The following CSMD2 variants were observed in gnomAD, a reference collection of about 807,000 sequenced individuals.
The protein encoded by CSMD2 is CUB and Sushi multiple domains 2, also known as CUB and sushi domain-containing protein 2.
CSMD2 carries 130 observed loss-of-function variants against 398.5 expected under a neutral mutation model. The ratio of observed to expected loss-of-function variants is 0.33; its 90% CI spans 0.28 to 0.38. The LOEUF (loss-of-function observed/expected upper bound fraction) is 0.38. CSMD2 is among the 10% of genes least tolerant of loss of function. The pLI, the probability that CSMD2 is intolerant of heterozygous loss-of-function variation, is 1.00. For missense variants in CSMD2, 3,829 were observed against 4,764.9 expected (o/e 0.80, Z 5.78); for synonymous variants, 1,828 against 1,908.5 (o/e 0.96, Z 1.10).
rs1656465505 is a variant in CSMD2, at chr1:34,077,069, A to ATT, written c.404+11907_404+11908insAA. Among the ~76,000 whole-genome samples, 3 of 150,840 alleles carry ATT rather than the reference A, an allele frequency of 2.0e-5. No homozygotes were observed. The South Asian group carries it at 6.3e-4, about 31-fold the overall frequency. ...CAAGCAGCTGGAGAAAGGTGAGGTT[A>ATT]AAGGGGGCTAGGATTGGGGTAGGGA... On this transcript the variant is annotated intron_variant, in intron 2 of 70. Transcript: ENST00000373381.
chr1:33,546,249 A>C lies in CSMD2; in HGVS notation c.8918-30T>G, dbSNP rs763684453. 8.2e-6 allele frequency: 13 copies of C among 1,588,614 alleles called. No homozygotes were observed. In the South Asian group the frequency reaches 1.2e-4, roughly 15 times the overall value. On this transcript the variant is annotated intron_variant, in intron 56 of 70. Coordinates refer to ENST00000373381, the MANE Select transcript of CSMD2 (RefSeq NM_001281956.2). ...GGACCAGAACCACACAAATCCCATT[A>C]TTTTTCAGGGAAGAAAAGGGAGTGG...
intron 27 of CSMD2, among the ~76,000 whole-genome samples, chr1:33,653,945 A>G (rs1305260302): frequency 6.6e-6 from 1 of 152,196 alleles, no homozygotes; most frequent in Non-Finnish European, 1.5e-5. Context: ...GGCTTGTCAT[A>G]GAGCTGAGCA....
At chr1:34,108,509 T>C (rs115145069) in intron 1 of CSMD2, among the ~76,000 whole-genome samples, 1 of 152,224 alleles carries the variant, frequency 6.6e-6, no homozygotes, top group Non-Finnish European at 1.5e-5. Context: ...AGAGTAGCCC[T>C]GTCCATGGTC....
intron 13 of CSMD2, among the ~76,000 whole-genome samples, chr1:33,759,101 G>A (rs951084060): frequency 2.0e-5 from 3 of 152,132 alleles, no homozygotes; most frequent in East Asian, 1.9e-4. Context: ...AAGTGACATC[G>A]CTCTTCTGGA....
chr1:33,788,509 A>C, intron 12 of CSMD2, 91 bp downstream of exon 12: 2 of 325,318 alleles, frequency 6.1e-6, no homozygotes, highest in Non-Finnish European at 9.6e-6. Flanking sequence ...CTCCGTCTCA[A>C]AAAAAAAAAA....
rs755750312 is a variant in CSMD2 at position 34,089,074 on chromosome 1, T to C, written c.307A>G (p.Arg103Gly). The C allele has an allele frequency of 1.4e-5, 22 of 1,614,080 alleles. No individual in the cohort carries two copies. The South Asian group carries it at 2.3e-4, about 17-fold the overall frequency. The change falls in exon 2 of 71, where the codon AGA becomes GGA. Residue 103 changes from arginine to glycine, a missense_variant. Physicochemically the swap from Arg to Gly is moderately radical, Grantham distance 125 (BLOSUM62 -2). Around this residue, in one of 5 missense-constraint regions of CSMD2, gnomAD observed 184 missense variants for 217.7 expected, o/e 0.85. Transcript: ENST00000373381. Reference protein sequence around the residue: ...TWTITAEEQHRIQLVFQSFAL... With the variant: ...TWTITAEEQHGIQLVFQSFAL... ...AAGGACTGGAACACAAGCTGGATTC[T>C]GTGCTGCTCTTCCGCGGTGATGGTC... is the stretch of plus-strand genomic sequence containing the variant.
intron 11 of CSMD2, among the ~76,000 whole-genome samples, chr1:33,789,863 A>G (rs1654020468): frequency 6.6e-6 from 1 of 151,930 alleles, no homozygotes; most frequent in African/African-American, 2.4e-5. Flanking sequence ...AAAGGCTGGG[A>G]CCCCTGCTTT....
At chr1:34,057,177 TCTC>T (rs1653928622) in intron 2 of CSMD2, among the ~76,000 whole-genome samples, 1 of 152,042 alleles carries the variant, frequency 6.6e-6, no homozygotes, top group Non-Finnish European at 1.5e-5. Flanking sequence ...GGAGTCTTGA[TCTC>T]CTCAAGTCCC....
chr1:34,106,070 T>A lies in CSMD2; in HGVS notation c.188-16877A>T, dbSNP rs2053217. Reference sequence around the variant, plus strand: ...GGAATGGATGGCTTAGTTCCAGGGTTTATAGGTGGGGGTGTTAATGGGCAG... The same window carrying A: ...GGAATGGATGGCTTAGTTCCAGGGTATATAGGTGGGGGTGTTAATGGGCAG... On this transcript the variant is annotated intron_variant, in intron 1 of 70. Coordinates refer to ENST00000373381, the MANE Select transcript of CSMD2 (RefSeq NM_001281956.2). Among the ~76,000 whole-genome samples, 5 of 151,940 alleles carry A rather than the reference T, an allele frequency of 3.3e-5. No homozygotes were observed. In the East Asian group the frequency reaches 5.8e-4, roughly 18 times the overall value.
intron 15 of CSMD2, 60 bp downstream of exon 15, chr1:33,739,080 T>TC: frequency 6.6e-7 from 1 of 1,522,492 alleles, no homozygotes; most frequent in Non-Finnish European, 8.9e-7. Flanking sequence ...GGCTGCTTGC[T>TC]CCCCCTCCCC....
At chr1:33,832,960 G>A (rs568727202) in intron 6 of CSMD2, among the ~76,000 whole-genome samples, 7 of 151,996 alleles carry the variant, frequency 4.6e-5, no homozygotes, top group East Asian at 1.9e-4. Context: ...GGAAGAAGTC[G>A]AATCTCTGAA....
At chr1:33,726,709 G>T in intron 15 of CSMD2, 24 bp from the exon 16 acceptor site, 1 of 1,595,528 alleles carries the variant, frequency 6.3e-7, no homozygotes. Context: ...AGGAAGAGAG[G>T]CAGCTTTCTT....
intron 2 of CSMD2, among the ~76,000 whole-genome samples, chr1:34,087,354 A>C (rs986606865): frequency 1.3e-5 from 2 of 152,046 alleles, no homozygotes; most frequent in East Asian, 1.9e-4. Context: ...CATCATCCTC[A>C]GCAAACTAAC....
chr1:33,591,486 A>C (rs1639452220), intron 44 of CSMD2, among the ~76,000 whole-genome samples: 1 of 152,106 alleles, frequency 6.6e-6, no homozygotes, highest in Non-Finnish European at 1.5e-5. Flanking sequence ...AGTGTGGTCT[A>C]GGGTGGGAGT....
chr1:33,844,482 A>G (rs1661173132), intron 6 of CSMD2, among the ~76,000 whole-genome samples: 1 of 152,238 alleles, frequency 6.6e-6, no homozygotes, highest in Admixed American at 6.5e-5. Context: ...AAAGTCAACA[A>G]TGGAGTTACT....
intron 19 of CSMD2, among the ~76,000 whole-genome samples, chr1:33,719,109 A>AG: frequency 6.6e-6 from 1 of 152,316 alleles, no homozygotes; most frequent in South Asian, 2.1e-4. Context: ...CTGGTTGGGA[A>AG]GGCTTCACGG....
At position 33,657,897 on chromosome 1, in the gene CSMD2, C is replaced by T. The variant is rs549881148; in HGVS notation, c.4447+49G>A. On this transcript the variant is annotated intron_variant, in intron 27 of 70. Coordinates refer to ENST00000373381, the MANE Select transcript of CSMD2 (RefSeq NM_001281956.2). ...GCTGTGCATGGAAGGTTCTGGAGCACACAACTGTGAGCCCCAAGAGCAGAG... is the reference window on the plus strand; with the variant it reads ...GCTGTGCATGGAAGGTTCTGGAGCATACAACTGTGAGCCCCAAGAGCAGAG... 5.8e-6 allele frequency: 9 copies of T among 1,552,046 alleles called. No individual in the cohort carries two copies. The South Asian group carries it at 1.1e-4, about 18-fold the overall frequency.
intron 29 of CSMD2, among the ~76,000 whole-genome samples, chr1:33,640,931 G>A (rs1032665107): frequency 1.3e-5 from 2 of 152,168 alleles, no homozygotes; most frequent in Non-Finnish European, 2.9e-5. Context: ...GGGCTTGAAA[G>A]AGAAAATACA....
intron 13 of CSMD2, among the ~76,000 whole-genome samples, chr1:33,746,281 A>G (rs1314726726): frequency 6.6e-6 from 1 of 152,154 alleles, no homozygotes; most frequent in African/African-American, 2.4e-5. Context: ...AGGAATCAAA[A>G]CCCAAAGGCA....
Sources: allele counts gnomAD v4.1 joint callset (sites outside exome capture counted in the v4.1 genomes callset), GRCh38; gene constraint gnomAD v4.1.1; regional missense constraint gnomAD v4.1.1; transcripts MANE v1.5; gene names NCBI Gene and HGNC (gene_info 2026-07-23, HGNC 2026-07-21).